THSD7B: variants seen among roughly 807,000 people sequenced by gnomAD.
THSD7B encodes thrombospondin type-1 domain-containing protein 7B.
THSD7B carries 138 observed loss-of-function variants against 213.6 expected under a neutral mutation model. The ratio of observed to expected loss-of-function variants is 0.65; its 90% CI spans 0.56 to 0.74. The LOEUF is 0.74. Ranked by LOEUF, THSD7B falls within the 30% of genes least tolerant of loss-of-function variation. The probability of loss-of-function intolerance (pLI) is 0.00; values close to 1 mark genes in which losing one functional copy is unlikely to be tolerated. For missense variants in THSD7B, 1,931 were observed against 1,991.5 expected (o/e 0.97, Z 0.58); for synonymous variants, 742 against 687.0 (o/e 1.08, Z -1.25).
intron 1 of THSD7B, among the ~76,000 whole-genome samples, chr2:136,869,230 A>T (rs1683391253): frequency 6.6e-6 from 1 of 152,182 alleles, no homozygotes; most frequent in African/African-American, 2.4e-5. Flanking sequence ...AAAGCTATTT[A>T]CCGTAGGGTT....
At chr2:136,898,466 C>T (rs1017166888) in intron 2 of THSD7B, among the ~76,000 whole-genome samples, 2 of 151,962 alleles carry the variant, frequency 1.3e-5, no homozygotes, top group Admixed American at 1.3e-4. Flanking sequence ...GCCACAGCGC[C>T]CAGCCCCATA....
chr2:137,393,401 A>C (rs541994664), intron 12 of THSD7B, among the ~76,000 whole-genome samples: 1 of 151,040 alleles, frequency 6.6e-6, no homozygotes, highest in Admixed American at 6.6e-5. Context: ...ATGAGTGAGA[A>C]TGTGCGGTGT....
rs138430597 is a variant in THSD7B at position 137,425,239 on chromosome 2, C to T, written c.2959+13367C>T. The stretch of plus-strand genomic sequence containing the variant: ...TTTATTTTTTATTTTTTCTTTGAGA[C>T]GGAGTCTTGCTCTGTTGCTGGGCCT... On this transcript the variant is annotated intron_variant, in intron 14 of 27. Transcript: ENST00000409968. 2.6e-3 allele frequency among the ~76,000 whole-genome samples: 391 copies of T among 151,568 alleles called. 1 individual carries two copies. The highest frequency in any genetic ancestry group is 8.6e-3 in the African/African-American group (355 of 41,316).
At chr2:137,336,851 G>A (rs1684649586) in intron 12 of THSD7B, among the ~76,000 whole-genome samples, 1 of 151,918 alleles carries the variant, frequency 6.6e-6, no homozygotes, top group African/African-American at 2.4e-5. Context: ...TGTTCTTCAA[G>A]AATATAATGA....
At chr2:137,315,681 C>CT (rs1321518244) in intron 12 of THSD7B, among the ~76,000 whole-genome samples, 1 of 151,894 alleles carries the variant, frequency 6.6e-6, no homozygotes, top group Non-Finnish European at 1.5e-5. Flanking sequence ...GTTCTGTTAC[C>CT]TTTTTAAATT....
At chr2:137,414,008 A>G (rs1686733398) in intron 14 of THSD7B, among the ~76,000 whole-genome samples, 1 of 152,180 alleles carries the variant, frequency 6.6e-6, no homozygotes, top group Admixed American at 6.5e-5. Flanking sequence ...TCTTTTCTAT[A>G]TGTTATCTGT....
At chr2:137,507,114 T>C (rs558012538) in intron 15 of THSD7B, among the ~76,000 whole-genome samples, 1 of 152,308 alleles carries the variant, frequency 6.6e-6, no homozygotes, top group South Asian at 2.1e-4. Context: ...GAACTGAGTA[T>C]TCTCATTCAT....
chr2:137,663,427 A>G lies in THSD7B; in HGVS notation c.4503A>G (p.Lys1501=), dbSNP rs1351963229. Residue 1501 remains lysine (K), a synonymous_variant, in exon 26 of 28, where the codon AAA becomes AAG. Transcript: ENST00000409968. Reference sequence around the variant, plus strand: ...AGAAGGGCTATACAGAGATAATGAAATCAAATGGTTTCCTGGATTACTGCA... The same window carrying G: ...AGAAGGGCTATACAGAGATAATGAAGTCAAATGGTTTCCTGGATTACTGCA... ...GCEKGYTEIM[K]SNGFLDYCMK... 1 of 1,593,984 alleles carries G rather than the reference A, an allele frequency of 6.3e-7. No homozygotes were observed. The highest frequency in any genetic ancestry group is 1.1e-5 in the South Asian group (1 of 87,650).
At chr2:137,623,413 T>A (rs1029917431) in intron 20 of THSD7B, among the ~76,000 whole-genome samples, 3 of 152,166 alleles carry the variant, frequency 2.0e-5, no homozygotes, top group African/African-American at 7.2e-5. Context: ...CTTTGAAAAC[T>A]GGCACAAGAC....
At chr2:137,621,711 G>A (rs979990198) in intron 20 of THSD7B, among the ~76,000 whole-genome samples, 10 of 152,276 alleles carry the variant, frequency 6.6e-5, no homozygotes, top group East Asian at 1.9e-4. Flanking sequence ...TTGGAGTAAG[G>A]ACCTAGGGAG....
At chr2:137,019,475 G>T (rs1403427050) in intron 2 of THSD7B, among the ~76,000 whole-genome samples, 1 of 152,164 alleles carries the variant, frequency 6.6e-6, no homozygotes, top group Admixed American at 6.5e-5. Context: ...GTCTTTGACT[G>T]TGTTTCTAGC....
intron 2 of THSD7B, among the ~76,000 whole-genome samples, chr2:136,893,930 C>A (rs550612): frequency 0.66 from 100,891 of 152,044 alleles, 34,157 homozygotes; most frequent in East Asian, 0.76. Flanking sequence ...TACAAATTAA[C>A]CATCTCAGGC....
At chr2:136,822,641 A>G (rs1682583717) in intron 1 of THSD7B, among the ~76,000 whole-genome samples, 1 of 152,168 alleles carries the variant, frequency 6.6e-6, no homozygotes, top group South Asian at 2.1e-4. Flanking sequence ...TTGCTTTTAT[A>G]CCCTGTTTAA....
intron 2 of THSD7B, among the ~76,000 whole-genome samples, chr2:136,985,116 G>A (rs796230565): frequency 4.6e-5 from 7 of 152,172 alleles, no homozygotes; most frequent in Admixed American, 2.0e-4. Flanking sequence ...GGGAGGCAGA[G>A]TATAAACATT....
intron 5 of THSD7B, among the ~76,000 whole-genome samples, chr2:137,123,381 G>C (rs924307859): frequency 6.6e-6 from 1 of 152,118 alleles, no homozygotes; most frequent in Non-Finnish European, 1.5e-5. Flanking sequence ...TTTTTATCAT[G>C]TACAATTTCT....
At chr2:136,835,076 C>G (rs959495870) in intron 1 of THSD7B, among the ~76,000 whole-genome samples, 22 of 152,188 alleles carry the variant, frequency 1.4e-4, no homozygotes, top group African/African-American at 4.8e-4. Context: ...CCAGAGCCAA[C>G]ACGCAACTCT....
At chr2:137,318,842 T>G (rs958112215) in intron 12 of THSD7B, among the ~76,000 whole-genome samples, 28 of 129,268 alleles carry the variant, frequency 2.2e-4, no homozygotes, top group Non-Finnish European at 6.3e-5. Flanking sequence ...TTGCCCAGGC[T>G]GGAGTGCAGT....
chr2:137,342,107 C>T (rs1342294300), intron 12 of THSD7B, among the ~76,000 whole-genome samples: 1 of 151,456 alleles, frequency 6.6e-6, no homozygotes, highest in African/African-American at 2.4e-5. Flanking sequence ...GTAGTGTGGA[C>T]ATTTTAACAA....
intron 2 of THSD7B, among the ~76,000 whole-genome samples, chr2:136,966,925 T>A (rs1350456705): frequency 6.6e-6 from 1 of 152,168 alleles, no homozygotes; most frequent in Non-Finnish European, 1.5e-5. Flanking sequence ...CTTTCTCTCT[T>A]CCTTCCCCTC....
Sources: gnomAD v4.1 joint callset for allele counts (sites outside exome capture counted in the v4.1 genomes callset) on GRCh38, gnomAD v4.1.1 for gene constraint, MANE v1.5 for transcripts, NCBI Gene and HGNC (gene_info 2026-07-23, HGNC 2026-07-21) for gene names.